LHCGR: variants seen among roughly 807,000 people sequenced by gnomAD.
LHCGR encodes lutropin-choriogonadotropic hormone receptor.
Under a neutral mutation model 60.7 loss-of-function variants are expected in LHCGR, and 55 were observed. That is an observed-to-expected ratio of 0.91 (90% CI 0.73 to 1.13). The LOEUF (loss-of-function observed/expected upper bound fraction) is 1.13, where lower values mean the gene tolerates loss of function less well. Among genes scored for constraint, LHCGR ranks in the 50% most tolerant of loss-of-function variants. The pLI is 0.00. For missense variants in LHCGR, 862 were observed against 836.0 expected, an observed-to-expected ratio of 1.03 and a Z score of -0.38; for synonymous variants, 337 against 316.5, an observed-to-expected ratio of 1.06 and a Z score of -0.69.
At chr2:48,747,595 A>T (rs1572895603) in intron 1 of LHCGR, among the ~76,000 whole-genome samples, 1 of 152,178 alleles carries the variant, frequency 6.6e-6, no homozygotes, top group Non-Finnish European at 1.5e-5. Context: ...GGTCAGTCAG[A>T]TTCTCTTTTT....
intron 1 of LHCGR, among the ~76,000 whole-genome samples, chr2:48,735,325 C>T (rs1035304131): frequency 2.6e-5 from 4 of 152,242 alleles, no homozygotes; most frequent in African/African-American, 7.2e-5. Context: ...ATCGTCTAAA[C>T]TGGACCCAAT....
intron 10 of LHCGR, among the ~76,000 whole-genome samples, chr2:48,689,670 C>G (rs1680109754): frequency 6.6e-6 from 1 of 152,156 alleles, no homozygotes; most frequent in Non-Finnish European, 1.5e-5. Flanking sequence ...CTTTGCCACT[C>G]CTTTCCAACC....
At chr2:48,754,716 GTAT>G (rs1409568409) in intron 1 of LHCGR, among the ~76,000 whole-genome samples, 1 of 152,010 alleles carries the variant, frequency 6.6e-6, no homozygotes, top group African/African-American at 2.4e-5. Context: ...CATGTAAATA[GTAT>G]TATAAAATAT....
intron 6 of LHCGR, chr2:48,721,447 T>A (rs926332889): frequency 7.9e-6 from 2 of 253,930 alleles, no homozygotes; most frequent in Non-Finnish European, 1.6e-5. Flanking sequence ...GAGTTGCAAG[T>A]AAAGAGTATG....
Position 48,688,621 on chromosome 2 carries a change from T to G in LHCGR, c.1176A>C (p.Thr392=). The G allele has an allele frequency of 6.2e-7, 1 of 1,614,182 alleles. No individual in the cohort carries two copies. Among genetic ancestry groups the G allele is most frequent in the South Asian group, 1.1e-5 (1 of 91,078 alleles). ...FVLLTSRYKL[T]VPRFLMCNLS... ...GATTGCACATGAGAAAACGAGGCAC[T>G]GTAAGTTTGTAACGACTTGTCAGGA... Residue 392 remains threonine, a synonymous_variant, in exon 11 of 11, where the codon ACA becomes ACC. Coordinates refer to ENST00000294954, the MANE Select transcript of LHCGR (RefSeq NM_000233.4). This position sits in a 1 kb window ranked among gnomAD's most constrained non-coding sequence, Gnocchi z 5.2.
chr2:48,731,124 A>C (rs1411583212), intron 2 of LHCGR, 103 bp downstream of exon 2: 3 of 767,154 alleles, frequency 3.9e-6, no homozygotes, highest in Non-Finnish European at 4.5e-6. Flanking sequence ...CCTAAACACA[A>C]TTTCTTTCCT....
intron 1 of LHCGR, among the ~76,000 whole-genome samples, chr2:48,739,665 G>T (rs1238937802): frequency 6.6e-6 from 1 of 151,970 alleles, no homozygotes; most frequent in Non-Finnish European, 1.5e-5. Flanking sequence ...CCTGTTGTGG[G>T]GTGGGGGGAG....
intron 1 of LHCGR, among the ~76,000 whole-genome samples, chr2:48,737,117 T>TGGTAAAA (rs1669234806): frequency 6.6e-6 from 1 of 152,200 alleles, no homozygotes; most frequent in African/African-American, 2.4e-5. Context: ...TTTGGTCACT[T>TGGTAAAA]GCCAGAGCTT....
chr2:48,751,839 A>G (rs925710715), intron 1 of LHCGR, among the ~76,000 whole-genome samples: 7 of 152,234 alleles, frequency 4.6e-5, no homozygotes, highest in Non-Finnish European at 7.3e-5. Context: ...AAAATCTAAA[A>G]GTTTAATTTC....
Position 48,723,773 on chromosome 2 carries a change from G to A in LHCGR, c.384-77C>T, listed in dbSNP as rs182703787. On this transcript the variant is annotated intron_variant, in intron 4 of 10. Coordinates refer to ENST00000294954, the MANE Select transcript of LHCGR (RefSeq NM_000233.4). ...TGTCATTAAGACATAAAGATAAAAA[G>A]AGAGTACAAAGGCATTTTGCAAATA... The A allele has an allele frequency of 3.3e-4, 366 of 1,117,816 alleles. No homozygotes were observed. In the African/African-American group the frequency reaches 4.4e-3, roughly 14 times the overall value. 69.2% of individuals were successfully genotyped at this position (1,117,816 alleles called of 1,614,324 possible).
At chr2:48,748,395 G>C (rs1669804813) in intron 1 of LHCGR, among the ~76,000 whole-genome samples, 1 of 152,162 alleles carries the variant, frequency 6.6e-6, no homozygotes, top group Non-Finnish European at 1.5e-5. Context: ...GCTTTAGCTG[G>C]GCAGACAGGA....
rs564632841 is a variant in LHCGR, at chr2:48,687,185, G to C, written c.*512C>G. 1 of 158,500 alleles carries C rather than the reference G, an allele frequency of 6.3e-6. No homozygotes were observed. The highest frequency in any genetic ancestry group is 1.8e-4 in the East Asian group (1 of 5,458). 9.8% of individuals were successfully genotyped at this position (158,500 alleles called of 1,614,324 possible). A position where few individuals can be genotyped will look rare whatever the true frequency, so the allele number is the denominator to read the frequency against. ...CACGTAGCCATTGAGAACTTGAAAC[G>C]TGGCTAGTGCAACTGAGAAACTACA... is the stretch of plus-strand genomic sequence containing the variant. On this transcript the variant is annotated 3_prime_UTR_variant, in exon 11 of 11. Transcript: ENST00000294954.
At chr2:48,704,399 C>T (rs947395720) in intron 8 of LHCGR, among the ~76,000 whole-genome samples, 1 of 152,164 alleles carries the variant, frequency 6.6e-6, no homozygotes, top group Admixed American at 6.5e-5. Flanking sequence ...TGATGCTGGC[C>T]TCATAGAATG....
intron 6 of LHCGR, among the ~76,000 whole-genome samples, chr2:48,716,298 A>C (rs1290729095): frequency 1.3e-5 from 2 of 152,192 alleles, no homozygotes; most frequent in Non-Finnish European, 2.9e-5. Context: ...AGTAGCCTTC[A>C]AAATTGTTTG....
chr2:48,728,165 C>T (rs1033062309), intron 3 of LHCGR, among the ~76,000 whole-genome samples: 3 of 151,568 alleles, frequency 2.0e-5, no homozygotes, highest in Admixed American at 6.6e-5. Flanking sequence ...ATTCTTTTTC[C>T]AGTGTGGCCT....
rs1668497915 is a variant in LHCGR at position 48,721,576 on chromosome 2, T to C, written c.536+1880A>G. 3 of 383,464 alleles carry C rather than the reference T, an allele frequency of 7.8e-6. No individual in the cohort carries two copies. The Admixed American group carries it at 9.8e-5, about 13-fold the overall frequency. 23.8% of individuals were successfully genotyped at this position (383,464 alleles called of 1,614,324 possible). On this transcript the variant is annotated intron_variant, in intron 6 of 10. Transcript: ENST00000294954. ...ACAATTATACATGTAAAATTACATC[T>C]ACACAAAGTAAAAGTACTATACAAA... is the stretch of plus-strand genomic sequence containing the variant.
chr2:48,753,295 A>G (rs529525576), intron 1 of LHCGR, among the ~76,000 whole-genome samples: 1 of 152,224 alleles, frequency 6.6e-6, no homozygotes, highest in South Asian at 2.1e-4. Context: ...TTTGCTTAAC[A>G]TGCACCTCTC....
chr2:48,706,752 T>C (rs1390961668), intron 8 of LHCGR, among the ~76,000 whole-genome samples: 1 of 152,212 alleles, frequency 6.6e-6, no homozygotes, highest in Non-Finnish European at 1.5e-5. Context: ...GTCATTTATG[T>C]TCTTTTCTAC....
intron 9 of LHCGR, among the ~76,000 whole-genome samples, chr2:48,695,015 A>C (rs1667047639): frequency 6.6e-6 from 1 of 152,024 alleles, no homozygotes; most frequent in South Asian, 2.1e-4. Context: ...TGTGGTTTTG[A>C]TTTGCATTTC....
Sources: gnomAD v4.1 joint callset for allele counts (sites outside exome capture counted in the v4.1 genomes callset) on GRCh38, gnomAD v4.1.1 for gene constraint, Gnocchi (gnomAD v3.1) non-coding constraint, MANE v1.5 for transcripts, NCBI Gene and HGNC (gene_info 2026-07-23, HGNC 2026-07-21) for gene names.